SEPTIN14: variants seen among roughly 807,000 people sequenced by gnomAD.
The protein encoded by SEPTIN14 is septin 14.
In SEPTIN14, 40 loss-of-function variants were observed where a neutral mutation model predicts 53.6. The observed-to-expected ratio is 0.75, with a 90% CI of 0.58 to 0.97. SEPTIN14 has a LOEUF of 0.97. Ranked by LOEUF, SEPTIN14 falls within the 50% of genes least tolerant of loss-of-function variation. SEPTIN14 has a pLI of 0.00. For synonymous variants in SEPTIN14, 138 were observed against 166.8 expected, an observed-to-expected ratio of 0.83 and a Z score of 1.33; for missense variants, 471 against 508.2, an observed-to-expected ratio of 0.93 and a Z score of 0.70.
chr7:55,805,503 G>A (rs1390241904), intron 8 of SEPTIN14, 113 bp from the exon 9 acceptor site: 23 of 688,158 alleles, frequency 3.3e-5, no homozygotes, highest in East Asian at 3.3e-4. Flanking sequence ...GTCAGCCTGG[G>A]AGACAGAGTA....
intron 7 of SEPTIN14, among the ~76,000 whole-genome samples, chr7:55,816,125 T>C (rs10260354): frequency 0.21 from 31,573 of 152,052 alleles, 4,322 homozygotes; most frequent in East Asian, 0.43. Flanking sequence ...ATATTCTCAC[T>C]CATTTGTGGA....
chr7:55,835,162 A>G (rs1789182393), intron 5 of SEPTIN14, among the ~76,000 whole-genome samples: 1 of 152,016 alleles, frequency 6.6e-6, no homozygotes, highest in South Asian at 2.1e-4. Flanking sequence ...AGTAAAATGT[A>G]AATAGTAGGA....
At chr7:55,796,201 A>C in intron 9 of SEPTIN14, 109 bp from the exon 10 acceptor site, 2 of 692,180 alleles carry the variant, frequency 2.9e-6, no homozygotes, top group Non-Finnish European at 4.9e-6. Flanking sequence ...ACAGTAGAGC[A>C]TGATCTTAAT....
intron 9 of SEPTIN14, among the ~76,000 whole-genome samples, chr7:55,804,881 C>T (rs1164994056): frequency 6.6e-6 from 1 of 152,094 alleles, no homozygotes; most frequent in East Asian, 1.9e-4. Flanking sequence ...CATTAGTCAA[C>T]ATTTGCTTTT....
At chr7:55,846,064 A>AT (rs1562718590) in intron 3 of SEPTIN14, among the ~76,000 whole-genome samples, 1 of 7,386 alleles carries the variant, frequency 1.4e-4, no homozygotes, top group Admixed American at 1.9e-3. Flanking sequence ...AAAAAAAAAA[A>AT]GTATATATAT....
intron 9 of SEPTIN14, among the ~76,000 whole-genome samples, chr7:55,800,506 C>T (rs1408858728): frequency 5.9e-5 from 9 of 152,048 alleles, no homozygotes; most frequent in Admixed American, 5.9e-4. Flanking sequence ...TGCCTGTAAT[C>T]CCAACCACTT....
intron 9 of SEPTIN14, chr7:55,798,623 G>A (rs1004168186): frequency 2.8e-5 from 10 of 358,604 alleles, no homozygotes; most frequent in African/African-American, 6.5e-5. Context: ...CCGGCAGCCC[G>A]TGAGTGGCAC....
Position 55,807,433 on chromosome 7 carries a change from C to T in SEPTIN14, c.818-175G>A, listed in dbSNP as rs570483776. ...GTAAGTGTGGTTGTACTATACATAC[C>T]AACCATAGGCAGAGATTATTTATAG... is the stretch of plus-strand genomic sequence containing the variant. On this transcript the variant is annotated intron_variant, in intron 7 of 9. Transcript: ENST00000388975. Among the ~76,000 whole-genome samples, 10 of 152,182 alleles carry T rather than the reference C, an allele frequency of 6.6e-5. No homozygotes were observed. The East Asian group carries it at 1.2e-3, about 18-fold the overall frequency.
intron 6 of SEPTIN14, among the ~76,000 whole-genome samples, chr7:55,827,287 A>G (rs1789005572): frequency 6.6e-6 from 1 of 152,200 alleles, no homozygotes; most frequent in Non-Finnish European, 1.5e-5. Flanking sequence ...GCGTTCCTGC[A>G]TGAGAGAACA....
At chr7:55,852,326 G>A (rs1462482324) in intron 2 of SEPTIN14, among the ~76,000 whole-genome samples, 1 of 152,028 alleles carries the variant, frequency 6.6e-6, no homozygotes, top group Non-Finnish European at 1.5e-5. Context: ...CATGGTACTG[G>A]CATGAAAACA....
chr7:55,860,589 A>G (rs1789726920), intron 2 of SEPTIN14, among the ~76,000 whole-genome samples: 1 of 152,232 alleles, frequency 6.6e-6, no homozygotes, highest in African/African-American at 2.4e-5. Flanking sequence ...AGATACATGA[A>G]GCACCCTGAC....
At chr7:55,804,503 C>T (rs13239587) in intron 9 of SEPTIN14, among the ~76,000 whole-genome samples, 9,453 of 152,100 alleles carry the variant, frequency 0.062, 657 homozygotes, top group African/African-American at 0.17. Flanking sequence ...AGGGGATCCG[C>T]CCGCCTCCAT....
intron 7 of SEPTIN14, among the ~76,000 whole-genome samples, chr7:55,813,271 T>A (rs554000965): frequency 6.6e-6 from 1 of 152,178 alleles, no homozygotes; most frequent in African/African-American, 2.4e-5. Context: ...TTAACCTAGC[T>A]CCCACTAAAG....
At chr7:55,841,548 C>T (rs538685438) in intron 5 of SEPTIN14, among the ~76,000 whole-genome samples, 7 of 152,046 alleles carry the variant, frequency 4.6e-5, no homozygotes, top group African/African-American at 9.6e-5. Context: ...GGCAAGACTC[C>T]GTCTCTATTA....
intron 6 of SEPTIN14, 134 bp downstream of exon 6, chr7:55,834,291 T>TAG: frequency 6.9e-6 from 4 of 583,146 alleles, no homozygotes; most frequent in Non-Finnish European, 1.1e-5. Context: ...GAATTAAATC[T>TAG]AAATAAATCT....
intron 6 of SEPTIN14, among the ~76,000 whole-genome samples, chr7:55,831,467 C>T (rs1789108010): frequency 6.6e-6 from 1 of 152,130 alleles, no homozygotes; most frequent in Non-Finnish European, 1.5e-5. Context: ...CATATACAAA[C>T]TTTAACTCAA....
intron 9 of SEPTIN14, among the ~76,000 whole-genome samples, chr7:55,801,482 G>T (rs1043668904): frequency 6.6e-6 from 1 of 151,986 alleles, no homozygotes; most frequent in Admixed American, 6.6e-5. Flanking sequence ...ATAACCACAC[G>T]ATCTACGAAG....
chr7:55,795,843 G>T lies in SEPTIN14; in HGVS notation c.*70C>A. Reference sequence around the variant, plus strand: ...TAAAATGAGAACTTCAGAGTTAAATGCTACAAAGACAATCTCACAGGAAGT... The same window carrying T: ...TAAAATGAGAACTTCAGAGTTAAATTCTACAAAGACAATCTCACAGGAAGT... On this transcript the variant is annotated 3_prime_UTR_variant, in exon 10 of 10. Coordinates refer to ENST00000388975, the MANE Select transcript of SEPTIN14 (RefSeq NM_207366.3). The T allele has an allele frequency of 8.7e-7, 1 of 1,148,204 alleles. No individual in the cohort carries two copies. 71.1% of individuals were successfully genotyped at this position (1,148,204 alleles called of 1,614,324 possible).
intron 2 of SEPTIN14, among the ~76,000 whole-genome samples, chr7:55,861,014 C>T (rs1789733334): frequency 6.6e-6 from 1 of 152,194 alleles, no homozygotes; most frequent in South Asian, 2.1e-4. Context: ...ATTTGCATAT[C>T]AGCATTTGCA....
Sources: allele counts gnomAD v4.1 joint callset (sites outside exome capture counted in the v4.1 genomes callset), GRCh38; gene constraint gnomAD v4.1.1; transcripts MANE v1.5; gene names NCBI Gene and HGNC (gene_info 2026-07-23, HGNC 2026-07-21).